Variants in SFXN2 observed in about 807,000 individuals in gnomAD.
The protein encoded by SFXN2 is sideroflexin-2.
In SFXN2, 37 loss-of-function variants were observed where a neutral mutation model predicts 41.9. That is an observed-to-expected ratio of 0.88 (90% CI 0.68 to 1.16). The LOEUF is 1.16. Ranked by LOEUF, SFXN2 falls within the 50% of genes most tolerant of loss-of-function variation. The probability of loss-of-function intolerance (pLI) is 0.00; values close to 1 mark genes in which losing one functional copy is unlikely to be tolerated. For missense variants in SFXN2, 386 were observed against 425.2 expected (o/e 0.91, Z 0.81); for synonymous variants, 150 against 156.7 (o/e 0.96, Z 0.32).
In SFXN2 at chr10:102,741,734, C is replaced by A. The variant is rs1455748429; in HGVS notation, c.*3972C>A. On this transcript the variant is annotated 3_prime_UTR_variant, in exon 12 of 12. Transcript: ENST00000369893. ...GTTTCTTAGTGATGATGAAACCTAG[C>A]CTTTATGTGGAAGACTTACAACTTT... The A allele has an allele frequency of 3.3e-5, 5 of 152,186 alleles. No individual in the cohort carries two copies. Among genetic ancestry groups the A allele is most frequent in the Admixed American group, 3.3e-4 (5 of 15,276 alleles). The allele number at this position is 152,186 out of a possible 1,614,324, so 9.4% of individuals were successfully genotyped here.
Position 102,734,792 on chromosome 10 carries a change from G to C in SFXN2, c.822-1070G>C, listed in dbSNP as rs1258994727. Among the ~76,000 whole-genome samples the C allele has an allele frequency of 6.6e-6, 1 of 152,122 alleles. No homozygotes were observed. Among genetic ancestry groups the C allele is most frequent in the Non-Finnish European group, 1.5e-5 (1 of 68,022 alleles). ...GTGGTAAAACTGGGATACCAACCCA[G>C]GTCTGTCAGAGTCCCGCGTCCTGTA... On this transcript the variant is annotated intron_variant, in intron 10 of 11. Coordinates refer to ENST00000369893, the MANE Select transcript of SFXN2 (RefSeq NM_178858.6). This position sits in a 1 kb window ranked among gnomAD's most constrained non-coding sequence, Gnocchi z 4.1.
chr10:102,730,485 G>A (rs1382158068), intron 6 of SFXN2, among the ~76,000 whole-genome samples: 1 of 152,188 alleles, frequency 6.6e-6, no homozygotes, highest in African/African-American at 2.4e-5. Flanking sequence ...CCAACAAATG[G>A]AAAATGTTCA....
chr10:102,723,556 C>T (rs2064543392), intron 1 of SFXN2, among the ~76,000 whole-genome samples: 1 of 152,064 alleles, frequency 6.6e-6, no homozygotes, highest in Non-Finnish European at 1.5e-5. Flanking sequence ...CTGGCCCCAA[C>T]TAGAAATGTT....
Position 102,741,919 on chromosome 10 carries a change from G to C in SFXN2, c.*4157G>C, listed in dbSNP as rs1255171147. Reference sequence around the variant, plus strand: ...TACGTGTCACTTTTTATAGTACTTGGAAAAGCAGGATCAAGATAAAGGCAG... The same window carrying C: ...TACGTGTCACTTTTTATAGTACTTGCAAAAGCAGGATCAAGATAAAGGCAG... On this transcript the variant is annotated 3_prime_UTR_variant, in exon 12 of 12. Coordinates refer to ENST00000369893, the MANE Select transcript of SFXN2 (RefSeq NM_178858.6). The C allele has an allele frequency of 1.3e-5, 2 of 152,190 alleles. No individual in the cohort carries two copies. Among genetic ancestry groups the C allele is most frequent in the East Asian group, 1.9e-4 (1 of 5,194 alleles). 9.4% of individuals were successfully genotyped at this position (152,190 alleles called of 1,614,324 possible).
intron 2 of SFXN2, 42 bp from the exon 3 acceptor site, chr10:102,726,945 G>C: frequency 2.5e-6 from 4 of 1,584,904 alleles, no homozygotes; most frequent in Non-Finnish European, 3.4e-6. Context: ...GGGAGACATT[G>C]ATCAGGCAGG....
At position 102,740,421 on chromosome 10, in the gene SFXN2, A is replaced by G. The variant is rs1180111137; in HGVS notation, c.*2659A>G. On this transcript the variant is annotated 3_prime_UTR_variant, in exon 12 of 12. Transcript: ENST00000369893. ...TTGATTTTTTTGATGAGGTCTCACT[A>G]TGTTGCCCCAGGCTGGTCTCGAACT... The G allele has an allele frequency of 6.6e-6, 1 of 152,020 alleles. No homozygotes were observed. Among genetic ancestry groups the G allele is most frequent in the Non-Finnish European group, 1.5e-5 (1 of 68,030 alleles). The allele number at this position is 152,020 out of a possible 1,614,324, so 9.4% of individuals were successfully genotyped here. A position where few individuals can be genotyped will look rare whatever the true frequency, so the allele number is the denominator to read the frequency against.
At chr10:102,720,667 C>T (rs1231097577) in intron 1 of SFXN2, among the ~76,000 whole-genome samples, 1 of 152,014 alleles carries the variant, frequency 6.6e-6, no homozygotes, top group Non-Finnish European at 1.5e-5. Flanking sequence ...ATCAAGCTTA[C>T]TATTAATATT....
Position 102,727,155 on chromosome 10 carries a change from C to T in SFXN2, c.330C>T (p.Tyr110=), listed in dbSNP as rs1590146235. Residue 110 remains tyrosine (Y), a splice_region_variant and synonymous_variant, in exon 3 of 12, where the codon TAC becomes TAT. Transcript: ENST00000369893. ...MIITGFMLQF[Y]RTMPAVIFWQ... ...TCACGGGCTTCATGCTCCAGTTCTA[C>T]AGGTGGGACCTGGGGGCAGGGCCGT... 1 of 1,594,188 alleles carries T rather than the reference C, an allele frequency of 6.3e-7. No homozygotes were observed. The highest frequency in any genetic ancestry group is 8.6e-7 in the Non-Finnish European group (1 of 1,163,266).
In SFXN2 at chr10:102,739,756, AC is replaced by A. The variant is rs2064825670; in HGVS notation, c.*1995del. On this transcript the variant is annotated 3_prime_UTR_variant, in exon 12 of 12. Transcript: ENST00000369893. ...GTGAAACCCGATCTCTACTAAAAAT[AC>A]AAAAAATTTGCTGGGTGTGGTGGCA... The A allele has an allele frequency of 4.6e-5, 7 of 152,158 alleles. No homozygotes were observed. Among genetic ancestry groups the A allele is most frequent in the Admixed American group, 4.6e-4 (7 of 15,272 alleles). 9.4% of individuals were successfully genotyped at this position (152,158 alleles called of 1,614,324 possible).
intron 5 of SFXN2, 106 bp from the exon 6 acceptor site, chr10:102,729,617 C>T (rs570265763): frequency 1.9e-5 from 24 of 1,248,760 alleles, no homozygotes; most frequent in Non-Finnish European, 2.5e-5. Flanking sequence ...GGATGTGTGG[C>T]GGTAGCAAGG....
At position 102,740,232 on chromosome 10, in the gene SFXN2, T is replaced by C. The variant is rs1454952526; in HGVS notation, c.*2470T>C. ...GGTTTTTAATGTAGTCACAAAGTTG[T>C]ACAAGCATCACCACTAATTCCAGAA... On this transcript the variant is annotated 3_prime_UTR_variant, in exon 12 of 12. Transcript: ENST00000369893. The C allele has an allele frequency of 2.0e-5, 3 of 152,352 alleles. No homozygotes were observed. Among genetic ancestry groups the C allele is most frequent in the African/African-American group, 7.2e-5 (3 of 41,570 alleles). The allele number at this position is 152,352 out of a possible 1,614,324, so 9.4% of individuals were successfully genotyped here. A position where few individuals can be genotyped will look rare whatever the true frequency, so the allele number is the denominator to read the frequency against.
At position 102,734,742 on chromosome 10, in the gene SFXN2, T is replaced by G. The variant is rs187128382; in HGVS notation, c.822-1120T>G. Among the ~76,000 whole-genome samples, 26 of 152,276 alleles carry G rather than the reference T, an allele frequency of 1.7e-4. No individual in the cohort carries two copies. The highest frequency in any genetic ancestry group is 1.4e-3 in the Admixed American group (22 of 15,298). On this transcript the variant is annotated intron_variant, in intron 10 of 11. Coordinates refer to ENST00000369893, the MANE Select transcript of SFXN2 (RefSeq NM_178858.6). This position sits in a 1 kb window ranked among gnomAD's most constrained non-coding sequence, Gnocchi z 4.1. ...CCTCCCTCTGTGTCTCTGAGGTAAC[T>G]TGTCCAAGATGGCACAGCTAGTAAG...
intron 1 of SFXN2, among the ~76,000 whole-genome samples, chr10:102,719,443 G>A (rs1301503153): frequency 6.6e-6 from 1 of 150,634 alleles, no homozygotes; most frequent in African/African-American, 2.4e-5. Context: ...TGGCCAGCCT[G>A]GTCTCAAACC....
At chr10:102,726,520 A>G in intron 1 of SFXN2, 92 bp from the exon 2 acceptor site, 1 of 1,318,430 alleles carries the variant, frequency 7.6e-7, no homozygotes, top group Non-Finnish European at 1.0e-6. Context: ...GTAGCTGGTG[A>G]GAGCAGGCAG....
intron 5 of SFXN2, 68 bp downstream of exon 5, chr10:102,729,462 T>G (rs2064667156): frequency 6.4e-7 from 1 of 1,559,146 alleles, no homozygotes; most frequent in East Asian, 2.3e-5. Context: ...AAAACGTCCT[T>G]CCCCCAGGGA....
In SFXN2 at chr10:102,729,820, C is replaced by T. The variant is rs767075113; in HGVS notation, c.593+12C>T. The stretch of plus-strand genomic sequence containing the variant: ...ATGATGCGACAGCAGTGAGTAAAGG[C>T]CCCTTTTTCTCCCTACAAACCACAA... On this transcript the variant is annotated intron_variant, in intron 6 of 11. Coordinates refer to ENST00000369893, the MANE Select transcript of SFXN2 (RefSeq NM_178858.6). 4.3e-6 allele frequency: 7 copies of T among 1,613,500 alleles called. No individual in the cohort carries two copies. The South Asian group carries it at 7.7e-5, about 18-fold the overall frequency.
Position 102,735,531 on chromosome 10 carries a change from G to A in SFXN2, c.822-331G>A, listed in dbSNP as rs769652011. ...CTCCAAGTTTCTCCTCTCCCTCCTC[G>A]TCGCTCCTTTCGCTCGATGCCAGCA... On this transcript the variant is annotated intron_variant, in intron 10 of 11. Coordinates refer to ENST00000369893, the MANE Select transcript of SFXN2 (RefSeq NM_178858.6). Among the ~76,000 whole-genome samples the A allele has an allele frequency of 1.1e-4, 16 of 151,786 alleles. 1 individual carries two copies. The highest frequency in any genetic ancestry group is 8.3e-4 in the South Asian group (4 of 4,814).
At chr10:102,716,243 G>A (rs1278477520) in intron 1 of SFXN2, 1 of 151,862 alleles carries the variant, frequency 6.6e-6, no homozygotes, top group East Asian at 1.9e-4. Flanking sequence ...GCTTGCTCTA[G>A]GCAGCCTTGA....
chr10:102,720,750 C>T (rs1410454355), intron 1 of SFXN2, among the ~76,000 whole-genome samples: 2 of 152,146 alleles, frequency 1.3e-5, no homozygotes, highest in African/African-American at 4.8e-5. Flanking sequence ...CCCTAGGTAT[C>T]ACTCTGGATA....
Sources: allele counts gnomAD v4.1 joint callset (sites outside exome capture counted in the v4.1 genomes callset), GRCh38; gene constraint gnomAD v4.1.1; non-coding constraint Gnocchi (gnomAD v3.1); transcripts MANE v1.5; gene names NCBI Gene and HGNC (gene_info 2026-07-23, HGNC 2026-07-21).